PLGRKT: variants seen among roughly 807,000 people sequenced by gnomAD.
PLGRKT encodes plasminogen receptor (KT).
A neutral mutation model predicts 18.5 loss-of-function variants in PLGRKT; 22 were observed. The ratio of observed to expected loss-of-function variants is 1.19; its 90% CI spans 0.85 to 1.70. The LOEUF is 1.70. PLGRKT is among the 40% of genes most tolerant of loss of function. PLGRKT has a pLI of 0.00. For synonymous variants in PLGRKT, 72 were observed against 52.8 expected (o/e 1.36, Z -1.58); for missense variants, 235 against 174.4 (o/e 1.35, Z -1.96).
At chr9:5,371,542 C>G (rs957073047) in intron 3 of PLGRKT, among the ~76,000 whole-genome samples, 3 of 152,190 alleles carry the variant, frequency 2.0e-5, no homozygotes, top group Non-Finnish European at 4.4e-5. Flanking sequence ...TGCCTTTTGT[C>G]TCCTGCCAGG....
At chr9:5,403,863 T>G (rs963692900) in intron 3 of PLGRKT, among the ~76,000 whole-genome samples, 1 of 152,284 alleles carries the variant, frequency 6.6e-6, no homozygotes, top group East Asian at 1.9e-4. Context: ...TGCCTGTTCA[T>G]AGGTTCCCCC....
intron 3 of PLGRKT, among the ~76,000 whole-genome samples, chr9:5,419,682 G>C (rs1439120790): frequency 1.4e-5 from 2 of 147,962 alleles, no homozygotes; most frequent in Non-Finnish European, 3.0e-5. Context: ...AAAACTACCA[G>C]ATGACTAGAA....
At chr9:5,401,813 T>C (rs576512985) in intron 3 of PLGRKT, among the ~76,000 whole-genome samples, 11 of 151,974 alleles carry the variant, frequency 7.2e-5, no homozygotes, top group African/African-American at 2.7e-4. Flanking sequence ...AATTTTTTTA[T>C]TTTATTTTTT....
At chr9:5,426,012 A>AG (rs1818690824) in intron 3 of PLGRKT, among the ~76,000 whole-genome samples, 1 of 152,354 alleles carries the variant, frequency 6.6e-6, no homozygotes, top group African/African-American at 2.4e-5. Flanking sequence ...GATGTTATTT[A>AG]GACATGGTAT....
At position 5,398,492 on chromosome 9, in the gene PLGRKT, G is replaced by C. The variant is rs114589026; in HGVS notation, c.81+33405C>G. Among the ~76,000 whole-genome samples, 1,460 of 151,978 alleles carry C rather than the reference G, an allele frequency of 9.6e-3. 44 individuals carry two copies. The highest frequency in any genetic ancestry group is 0.034 in the African/African-American group (1,400 of 41,260). On this transcript the variant is annotated intron_variant, in intron 3 of 5. Coordinates refer to ENST00000223864, the MANE Select transcript of PLGRKT (RefSeq NM_018465.4). ...CAAGCTGTGATCTTCCTTTTTTGTA[G>C]CAAGTGCTTTGAATCTCCTTGGAGA...
At chr9:5,394,966 G>C (rs1177150705) in intron 3 of PLGRKT, among the ~76,000 whole-genome samples, 1 of 151,814 alleles carries the variant, frequency 6.6e-6, no homozygotes, top group Admixed American at 6.5e-5. Context: ...CATTCTGCAA[G>C]GCTTTGCAGC....
intron 1 of PLGRKT, among the ~76,000 whole-genome samples, chr9:5,437,212 G>A (rs1015453976): frequency 1.3e-5 from 2 of 152,074 alleles, no homozygotes; most frequent in African/African-American, 4.8e-5. Context: ...CCTTTCTTCC[G>A]GTCACCCGTG....
intron 3 of PLGRKT, among the ~76,000 whole-genome samples, chr9:5,413,687 GAGAACCATTTCAAACTTCTGGCCTTC>G (rs1374552918): frequency 6.6e-6 from 1 of 152,170 alleles, no homozygotes; most frequent in Non-Finnish European, 1.5e-5. Flanking sequence ...TTTATCCATT[GAGAACCATTTCAAACTTCTGGCCTTC>G]AGAAATATAA....
chr9:5,434,226 C>T (rs796962487), intron 2 of PLGRKT, among the ~76,000 whole-genome samples: 11 of 147,220 alleles, frequency 7.5e-5, no homozygotes, highest in East Asian at 4.1e-4. Flanking sequence ...CCAGCCATCC[C>T]GCCTGGGAAG....
chr9:5,426,674 C>T (rs1465255265), intron 3 of PLGRKT, among the ~76,000 whole-genome samples: 1 of 152,208 alleles, frequency 6.6e-6, no homozygotes, highest in African/African-American at 2.4e-5. Context: ...TCTTCCTGCA[C>T]GATCTTGCTG....
chr9:5,432,707 G>A (rs1276584826), intron 2 of PLGRKT, among the ~76,000 whole-genome samples: 1 of 152,194 alleles, frequency 6.6e-6, no homozygotes, highest in Non-Finnish European at 1.5e-5. Flanking sequence ...CGTGTTGACT[G>A]GGCTGGTCTC....
At chr9:5,402,179 C>T (rs1050327176) in intron 3 of PLGRKT, among the ~76,000 whole-genome samples, 3 of 151,872 alleles carry the variant, frequency 2.0e-5, no homozygotes, top group African/African-American at 4.9e-5. Flanking sequence ...AACAAAACCA[C>T]GAACATACTA....
rs563179347 is a variant in PLGRKT, at chr9:5,380,085, C to G, written c.82-18197G>C. 1.5e-4 allele frequency among the ~76,000 whole-genome samples: 23 copies of G among 152,242 alleles called. 1 individual carries two copies. The South Asian group carries it at 2.9e-3, about 19-fold the overall frequency. On this transcript the variant is annotated intron_variant, in intron 3 of 5. Transcript: ENST00000223864. ...AACAATTTAAAACAAAAAGAATAGG[C>G]TGGGCGCAGTGGCTCATGCCTGTAA...
intron 3 of PLGRKT, among the ~76,000 whole-genome samples, chr9:5,425,847 A>G (rs10815220): frequency 0.22 from 33,703 of 152,182 alleles, 4,130 homozygotes; most frequent in Non-Finnish European, 0.28. Flanking sequence ...TTTGTTTTTA[A>G]TCAAAAAATA....
At chr9:5,361,013 A>C (rs1334179379) in intron 5 of PLGRKT, 65 bp downstream of exon 5, 1 of 857,274 alleles carries the variant, frequency 1.2e-6, no homozygotes, top group Non-Finnish European at 1.9e-6. Flanking sequence ...AAGGTTCCTA[A>C]GGCAGGGATC....
intron 5 of PLGRKT, among the ~76,000 whole-genome samples, chr9:5,358,996 T>A (rs1046596190): frequency 2.0e-5 from 3 of 152,186 alleles, no homozygotes; most frequent in Admixed American, 6.5e-5. Flanking sequence ...TGTTTACATT[T>A]TATAAGCCTC....
chr9:5,424,486 A>C (rs1015793724), intron 3 of PLGRKT, among the ~76,000 whole-genome samples: 1 of 125,386 alleles, frequency 8.0e-6, no homozygotes, highest in Non-Finnish European at 1.6e-5. Context: ...ATAAAATATA[A>C]TATATATTAT....
chr9:5,372,110 T>C (rs1209937392), intron 3 of PLGRKT, among the ~76,000 whole-genome samples: 1 of 151,354 alleles, frequency 6.6e-6, no homozygotes, highest in Non-Finnish European at 1.5e-5. Flanking sequence ...GCCTCCCAAG[T>C]AGCTGGGACT....
chr9:5,428,121 G>A (rs956840764), intron 3 of PLGRKT, among the ~76,000 whole-genome samples: 2 of 152,306 alleles, frequency 1.3e-5, no homozygotes, highest in Non-Finnish European at 2.9e-5. Context: ...GGTCCCCAGA[G>A]CTGAAATAAA....
Sources: allele counts gnomAD v4.1 joint callset (sites outside exome capture counted in the v4.1 genomes callset), GRCh38; gene constraint gnomAD v4.1.1; transcripts MANE v1.5; gene names NCBI Gene and HGNC (gene_info 2026-07-23, HGNC 2026-07-21).